The following DMD variants were observed in gnomAD, a reference collection of about 807,000 sequenced individuals.
The protein encoded by DMD is mutant dystrophin.
A neutral mutation model predicts 330.1 loss-of-function variants in DMD; 63 were observed. The ratio of observed to expected loss-of-function variants is 0.19; its 90% CI spans 0.16 to 0.24. DMD has a LOEUF of 0.24. Among genes scored for constraint, DMD ranks in the 10% least tolerant of loss-of-function variants. The pLI is 1.00. For synonymous variants in DMD, 1,223 were observed against 959.8 expected, an observed-to-expected ratio of 1.27 and a Z score of -5.07; for missense variants, 3,344 against 2,684.1, an observed-to-expected ratio of 1.25 and a Z score of -5.43.
intron 2 of DMD, among the ~76,000 whole-genome samples, chrX:32,878,104 G>A (rs781641571): frequency 1.8e-3 from 207 of 112,279 alleles, no homozygotes; most frequent in African/African-American, 6.4e-3. Flanking sequence ...GGCCGGGCGC[G>A]GTGGCTCACG....
rs189860086 is a variant in DMD, at chrX:31,295,294, C to T, written c.9224+28304G>A. 1.0e-3 allele frequency among the ~76,000 whole-genome samples: 111 copies of T among 111,129 alleles called. 1 individual carries two copies. Among genetic ancestry groups the T allele is most frequent in the African/African-American group, 3.4e-3 (103 of 30,571 alleles). ...ACAGGTGTGAGCCACCGCGCCCGGC[C>T]GTAGGTTTGCTTTTAATATACTTTC... On this transcript the variant is annotated intron_variant, in intron 62 of 78. Transcript: ENST00000357033.
At chrX:31,946,147 T>C (rs1278391596) in intron 45 of DMD, among the ~76,000 whole-genome samples, 1 of 112,319 alleles carries the variant, frequency 8.9e-6, no homozygotes, top group East Asian at 2.8e-4. Flanking sequence ...GCAGTGGATC[T>C]TACTTAGATT....
At chrX:31,558,638 T>C (rs752009242) in intron 55 of DMD, among the ~76,000 whole-genome samples, 1 of 109,179 alleles carries the variant, frequency 9.2e-6, no homozygotes, top group South Asian at 3.9e-4. Flanking sequence ...GTCTGAGTTA[T>C]ATGTGTATAT....
intron 44 of DMD, among the ~76,000 whole-genome samples, chrX:31,999,288 G>C (rs904835707): frequency 9.0e-6 from 1 of 111,722 alleles, no homozygotes; most frequent in Admixed American, 9.5e-5. Flanking sequence ...TGTACCCAAC[G>C]TACAGTTGAA....
At chrX:32,058,357 A>C (rs1414844151) in intron 44 of DMD, among the ~76,000 whole-genome samples, 3 of 110,528 alleles carry the variant, frequency 2.7e-5, no homozygotes, top group Non-Finnish European at 1.9e-5. Context: ...CAATATCTAA[A>C]ATACATGAGG....
At chrX:31,951,169 A>ATATATG (rs1321875360) in intron 45 of DMD, among the ~76,000 whole-genome samples, 4 of 93,416 alleles carry the variant, frequency 4.3e-5, no homozygotes, top group Non-Finnish European at 8.2e-5. Context: ...GTATATATAT[A>ATATATG]TATATGTATA....
chrX:32,480,574 G>GT (rs1569564539), intron 21 of DMD, among the ~76,000 whole-genome samples: 2 of 110,783 alleles, frequency 1.8e-5, no homozygotes, highest in African/African-American at 6.6e-5. Context: ...ATTTGCCTAC[G>GT]TGAGTATTTA....
chrX:31,562,304 C>T (rs1379301066), intron 55 of DMD, among the ~76,000 whole-genome samples: 2 of 112,002 alleles, frequency 1.8e-5, no homozygotes, highest in Non-Finnish European at 3.8e-5. Flanking sequence ...CATACTGGTA[C>T]TTTTATTTCT....
At chrX:31,628,943 A>T (rs780738409) in intron 54 of DMD, among the ~76,000 whole-genome samples, 37 of 70,631 alleles carry the variant, frequency 5.2e-4, no homozygotes, top group Admixed American at 1.6e-3. Context: ...TATATATATA[A>T]AATGCATGTA....
At chrX:32,633,093 G>A (rs5972629) in intron 11 of DMD, among the ~76,000 whole-genome samples, 7,001 of 111,685 alleles carry the variant, frequency 0.063, 516 homozygotes, top group African/African-American at 0.22. Flanking sequence ...AAACCTGCAC[G>A]TTCTGCACAT....
rs762461626 is a variant in DMD at position 32,585,428 on chromosome X, G to A, written c.1602+10329C>T. ...AATATTATTGGCCGGGTGGCCGGGCGTGGTGGCTCACGCCTGTAATCCCAG... is the reference window on the plus strand; with the variant it reads ...AATATTATTGGCCGGGTGGCCGGGCATGGTGGCTCACGCCTGTAATCCCAG... On this transcript the variant is annotated intron_variant, in intron 13 of 78. Coordinates refer to ENST00000357033, the MANE Select transcript of DMD (RefSeq NM_004006.3). Among the ~76,000 whole-genome samples the A allele has an allele frequency of 9.0e-5, 10 of 111,139 alleles. No homozygotes were observed. The East Asian group carries it at 2.8e-3, about 32-fold the overall frequency.
At chrX:31,904,991 T>C (rs148085637) in intron 47 of DMD, among the ~76,000 whole-genome samples, 1,137 of 111,633 alleles carry the variant, frequency 0.01, 20 homozygotes, top group East Asian at 0.087. Flanking sequence ...TATAGGAGTA[T>C]TGCAAATATA....
chrX:32,586,294 T>C (rs1451448018), intron 13 of DMD, among the ~76,000 whole-genome samples: 3 of 109,739 alleles, frequency 2.7e-5, no homozygotes, highest in Non-Finnish European at 5.7e-5. Flanking sequence ...TATATACTAA[T>C]GCAATCGAGT....
At chrX:32,126,117 ACT>A (rs1720765866) in intron 44 of DMD, among the ~76,000 whole-genome samples, 1 of 111,681 alleles carries the variant, frequency 9.0e-6, no homozygotes, top group African/African-American at 3.3e-5. Flanking sequence ...GCTGTTCTTG[ACT>A]CTGTGCCAGA....
chrX:31,273,739 C>T (rs2051858118), intron 62 of DMD, among the ~76,000 whole-genome samples: 1 of 110,730 alleles, frequency 9.0e-6, no homozygotes, highest in African/African-American at 3.3e-5. Flanking sequence ...CTTCCTTAAT[C>T]TTCAGCAAGC....
At chrX:31,784,070 A>C (rs955622625) in intron 50 of DMD, among the ~76,000 whole-genome samples, 4 of 112,190 alleles carry the variant, frequency 3.6e-5, no homozygotes, top group African/African-American at 1.3e-4. Context: ...ACATTTAGTA[A>C]ATTAGATGAA....
At chrX:32,523,926 A>T (rs754058690) in intron 17 of DMD, among the ~76,000 whole-genome samples, 36 of 104,740 alleles carry the variant, frequency 3.4e-4, no homozygotes, top group African/African-American at 1.2e-3. Context: ...TCATTCCAAA[A>T]GAAATCTTTT....
chrX:32,374,788 C>A (rs2097894798), intron 34 of DMD, among the ~76,000 whole-genome samples: 4 of 111,512 alleles, frequency 3.6e-5, no homozygotes, highest in Admixed American at 2.9e-4. Context: ...CTGTTCAGGC[C>A]CTTTCTTGGT....
intron 62 of DMD, among the ~76,000 whole-genome samples, chrX:31,268,826 G>A (rs988474839): frequency 4.5e-5 from 5 of 112,122 alleles, no homozygotes; most frequent in East Asian, 5.6e-4. Context: ...TAAGACATTT[G>A]TCACTCTCTT....
Sources: gnomAD v4.1 joint callset for allele counts (sites outside exome capture counted in the v4.1 genomes callset) on GRCh38, gnomAD v4.1.1 for gene constraint, MANE v1.5 for transcripts, NCBI Gene and HGNC (gene_info 2026-07-23, HGNC 2026-07-21) for gene names.